The following NR2F2 variants were observed in gnomAD, a reference collection of about 807,000 sequenced individuals.
NR2F2 encodes nuclear receptor subfamily 2 group F member 2.
NR2F2 carries 2 observed loss-of-function variants against 34.8 expected under a neutral mutation model. The observed-to-expected ratio is 0.06, with a 90% CI of 0.02 to 0.18. The LOEUF (loss-of-function observed/expected upper bound fraction) is 0.18. Among genes scored for constraint, NR2F2 ranks in the 10% least tolerant of loss-of-function variants. The probability of loss-of-function intolerance (pLI) is 1.00; values close to 1 mark genes in which losing one functional copy is unlikely to be tolerated. For synonymous variants in NR2F2, 274 were observed against 251.8 expected, an observed-to-expected ratio of 1.09 and a Z score of -0.84; for missense variants, 300 against 580.1, an observed-to-expected ratio of 0.52 and a Z score of 4.96.
At chr15:96,336,282 A>G (rs1899324989) in intron 2 of NR2F2, among the ~76,000 whole-genome samples, 1 of 152,202 alleles carries the variant, frequency 6.6e-6, no homozygotes, top group Non-Finnish European at 1.5e-5. Context: ...ATTCAGAGGG[A>G]GACACACAGT....
chr15:96,333,622 A>C, intron 1 of NR2F2: 1 of 1,025,050 alleles, frequency 9.8e-7, no homozygotes, highest in Non-Finnish European at 1.2e-6. Context: ...GTCGTTCCGG[A>C]GTGGCCACAG....
chr15:96,332,379 G>A lies in NR2F2; in HGVS notation c.274G>A (p.Gly92Ser), dbSNP rs916901985. Residue 92 changes from glycine to serine, a missense_variant, in exon 1 of 3, where the codon GGC becomes AGC. By Grantham distance (56) the Gly-to-Ser change is moderately conservative (BLOSUM62 0). Transcript: ENST00000394166. ...AGACAAGTCGAGCGGCAAGCACTAC[G>A]GCCAGTTCACGTGCGAGGGCTGCAA... ...CGDKSSGKHY[G>S]QFTCEGCKSF... 6.2e-7 allele frequency: 1 copy of A among 1,613,342 alleles called. No individual in the cohort carries two copies. The highest frequency in any genetic ancestry group is 8.5e-7 in the Non-Finnish European group (1 of 1,179,650).
rs755630930 is a variant in NR2F2 at position 96,339,362 on chromosome 15, TGA to T, written c.*1746_*1747del. ...TGTGATTCTACTCTAGCGTGGTTGT[TGA>T]GAGAGTTTCAAATTCAGTGATACAG... is the stretch of plus-strand genomic sequence containing the variant. On this transcript the variant is annotated 3_prime_UTR_variant, in exon 3 of 3. Transcript: ENST00000394166. 9 of 152,284 alleles carry T rather than the reference TGA, an allele frequency of 5.9e-5. No individual in the cohort carries two copies. In the East Asian group the frequency reaches 1.2e-3, roughly 20 times the overall value. The allele number at this position is 152,284 out of a possible 1,614,324, so 9.4% of individuals were successfully genotyped here.
rs1203575897 is a variant in NR2F2 at position 96,337,745 on chromosome 15, GA to G, written c.*124del. The G allele has an allele frequency of 5.5e-5, 41 of 748,586 alleles. No individual in the cohort carries two copies. Among genetic ancestry groups the G allele is most frequent in the Non-Finnish European group, 9.3e-6 (5 of 536,334 alleles). The allele number at this position is 748,586 out of a possible 1,614,324, so 46.4% of individuals were successfully genotyped here. On this transcript the variant is annotated 3_prime_UTR_variant, in exon 3 of 3. Coordinates refer to ENST00000394166, the MANE Select transcript of NR2F2 (RefSeq NM_021005.4). ...ATGTTACAAGTTTGCTAAAAGAAGA[GA>G]GGGGAAGAATTTAATGGACTGTGAA...
rs777214901 is a variant in NR2F2 at position 96,337,547 on chromosome 15, C to T, written c.1170C>T (p.Thr390=). 27 of 1,613,932 alleles carry T rather than the reference C, an allele frequency of 1.7e-5. No individual in the cohort carries two copies. Among genetic ancestry groups the T allele is most frequent in the Non-Finnish European group, 2.2e-5 (26 of 1,180,020 alleles). The change falls in exon 3 of 3, where the codon ACC becomes ACT. Residue 390 remains threonine, a synonymous_variant. Coordinates refer to ENST00000394166, the MANE Select transcript of NR2F2 (RefSeq NM_021005.4). ...TTTTCGTCCGTTTGGTAGGTAAAACCCCCATCGAAACCCTCATCCGGGATA... is the reference window on the plus strand; with the variant it reads ...TTTTCGTCCGTTTGGTAGGTAAAACTCCCATCGAAACCCTCATCCGGGATA... ...QLFFVRLVGK[T]PIETLIRDML... is the part of the protein sequence containing the mutation.
At position 96,331,630 on chromosome 15, in the gene NR2F2, A is replaced by G; in HGVS notation, c.-476A>G. 2.5e-6 allele frequency: 3 copies of G among 1,186,108 alleles called. No individual in the cohort carries two copies. Among genetic ancestry groups the G allele is most frequent in the Non-Finnish European group, 3.2e-6 (3 of 949,962 alleles). The allele number at this position is 1,186,108 out of a possible 1,614,324, so 73.5% of individuals were successfully genotyped here. ...AACTCCTCGGCTGCACACCAGCTCT[A>G]AGAGCGAGAGTGAACGAGAGAGGGA... On this transcript the variant is annotated 5_prime_UTR_variant, in exon 1 of 3. The change abolishes the stop of an existing upstream ORF in the 5' untranslated region. Transcript: ENST00000394166.
At chr15:96,328,677 T>C (rs74729878), upstream of NR2F2, among the ~76,000 whole-genome samples, 29 of 152,338 alleles carry the variant, frequency 1.9e-4, no homozygotes, top group East Asian at 5.6e-3. Flanking sequence ...CTAATTAACC[T>C]GAAATTCTCA....
At chr15:96,337,169 C>G (rs565384599) in intron 2 of NR2F2, among the ~76,000 whole-genome samples, 179 bp from the exon 3 acceptor site, 23 of 152,190 alleles carry the variant, frequency 1.5e-4, no homozygotes, top group East Asian at 7.7e-4. Flanking sequence ...GCCTCCCCCC[C>G]TTAAGTTTTC....
Position 96,332,236 on chromosome 15 carries a change from G to T in NR2F2, c.131G>T (p.Gly44Val). 1 of 1,535,924 alleles carries T rather than the reference G, an allele frequency of 6.5e-7. No homozygotes were observed. Among genetic ancestry groups the T allele is most frequent in the South Asian group, 1.2e-5 (1 of 83,660 alleles). Residue 44 changes from glycine (G) to valine (V), a missense_variant, in exon 1 of 3, where the codon GGC becomes GTC. Physicochemically the swap from Gly to Val is moderately radical, Grantham distance 109. This residue lies in a region of NR2F2 where 105 missense variants were observed against 107.8 expected (regional missense o/e 0.97). Transcript: ENST00000394166. ...PGAPHTPQTPGQGGPASTPAQ... is the reference protein window; with the variant it reads ...PGAPHTPQTPVQGGPASTPAQ... ...GCCCCGCACACGCCACAGACGCCCG[G>T]CCAAGGGGGCCCAGCCAGCACGCCA...
At chr15:96,328,189 G>A (rs1191565110), upstream of NR2F2, among the ~76,000 whole-genome samples, 1 of 152,072 alleles carries the variant, frequency 6.6e-6, no homozygotes, top group Non-Finnish European at 1.5e-5. Flanking sequence ...AATACAGAGT[G>A]AAACACCCCT....
chr15:96,338,249 A>C lies in NR2F2; in HGVS notation c.*627A>C, dbSNP rs1367077324. 6.5e-6 allele frequency: 1 copy of C among 152,700 alleles called. No homozygotes were observed. Among genetic ancestry groups the C allele is most frequent in the African/African-American group, 2.4e-5 (1 of 41,464 alleles). The allele number at this position is 152,700 out of a possible 1,614,324, so 9.5% of individuals were successfully genotyped here. A position where few individuals can be genotyped will look rare whatever the true frequency, so the allele number is the denominator to read the frequency against. On this transcript the variant is annotated 3_prime_UTR_variant, in exon 3 of 3. Coordinates refer to ENST00000394166, the MANE Select transcript of NR2F2 (RefSeq NM_021005.4). ...AACGCACTTACAAGTGGTGACCAAA[A>C]TTTTTAGGTGAAGTCGAGCACTCTA...
chr15:96,333,876 C>T (rs947211824), intron 1 of NR2F2, 200 bp from the exon 2 acceptor site: 42 of 1,431,148 alleles, frequency 2.9e-5, no homozygotes, highest in Non-Finnish European at 4.6e-6. Context: ...GCCCCTCTGG[C>T]CCTCAGAGCT....
chr15:96,331,577 C>CTCT lies in NR2F2; in HGVS notation c.-527_-526insTTC. On this transcript the variant is annotated 5_prime_UTR_variant, in exon 1 of 3. Transcript: ENST00000394166. ...CCTCCTTCACCACCACCTCCTCTTC[C>CTCT]TCCTCCTCCTCCTCCTCCTCCTCCG... 1.0e-6 allele frequency: 1 copy of CTCT among 990,646 alleles called. No homozygotes were observed. The highest frequency in any genetic ancestry group is 1.2e-6 in the Non-Finnish European group (1 of 818,066). The allele number at this position is 990,646 out of a possible 1,614,324, so 61.4% of individuals were successfully genotyped here. A position where few individuals can be genotyped will look rare whatever the true frequency, so the allele number is the denominator to read the frequency against.
intron 1 of NR2F2, chr15:96,333,748 A>G (rs1182443029): frequency 7.6e-7 from 1 of 1,322,552 alleles, no homozygotes. Flanking sequence ...TTAGCAGTAA[A>G]GAAGAAAGAT....
At position 96,330,804 on chromosome 15, in the gene NR2F2, C is replaced by G; in HGVS notation, c.-1302C>G. 1 of 1,039,822 alleles carries G rather than the reference C, an allele frequency of 9.6e-7. No individual in the cohort carries two copies. The highest frequency in any genetic ancestry group is 1.2e-6 in the Non-Finnish European group (1 of 838,038). The allele number at this position is 1,039,822 out of a possible 1,614,324, so 64.4% of individuals were successfully genotyped here. A position where few individuals can be genotyped will look rare whatever the true frequency, so the allele number is the denominator to read the frequency against. On this transcript the variant is annotated 5_prime_UTR_variant, in exon 1 of 3. Transcript: ENST00000394166. Reference sequence around the variant, plus strand: ...TTGATTCTCTGTTCTTTTCTCTCCGCGGTGTGTGTGTGCGTGCGCGCGTGT... The same window carrying G: ...TTGATTCTCTGTTCTTTTCTCTCCGGGGTGTGTGTGTGCGTGCGCGCGTGT...
At chr15:96,329,361 T>C (rs1313731034), upstream of NR2F2, among the ~76,000 whole-genome samples, 5 of 152,244 alleles carry the variant, frequency 3.3e-5, no homozygotes, top group Non-Finnish European at 7.3e-5. Context: ...AAGACACAAC[T>C]GTCTCAATTA....
chr15:96,335,156 C>T (rs187120641), intron 2 of NR2F2, among the ~76,000 whole-genome samples: 10 of 152,302 alleles, frequency 6.6e-5, no homozygotes, highest in South Asian at 2.1e-4. Context: ...CCAGGAGAGG[C>T]GAAAAGATGT....
intron 2 of NR2F2, 31 bp downstream of exon 2, chr15:96,334,634 C>A: frequency 1.9e-6 from 3 of 1,558,750 alleles, no homozygotes; most frequent in South Asian, 1.2e-5. Flanking sequence ...CTCGTGCCCA[C>A]GGGCTCCTAG....
chr15:96,337,788 A>C lies in NR2F2; in HGVS notation c.*166A>C. 1 of 429,176 alleles carries C rather than the reference A, an allele frequency of 2.3e-6. No individual in the cohort carries two copies. The highest frequency in any genetic ancestry group is 4.9e-5 in the East Asian group (1 of 20,408). The allele number at this position is 429,176 out of a possible 1,614,324, so 26.6% of individuals were successfully genotyped here. A position where few individuals can be genotyped will look rare whatever the true frequency, so the allele number is the denominator to read the frequency against. ...GACTGTGAATTTCAAAAAAAAAAAA[A>C]AAGACTGTCAAATGAACTTTTACAG... On this transcript the variant is annotated 3_prime_UTR_variant, in exon 3 of 3. Transcript: ENST00000394166.
Sources: gnomAD v4.1 joint callset for allele counts (sites outside exome capture counted in the v4.1 genomes callset) on GRCh38, gnomAD v4.1.1 for gene constraint, gnomAD v4.1.1 regional missense constraint, MANE v1.5 for transcripts, NCBI Gene and HGNC (gene_info 2026-07-23, HGNC 2026-07-21) for gene names.